MIER1: variants seen among roughly 807,000 people sequenced by gnomAD.
MIER1 encodes MIER1 transcriptional regulator, also known as mesoderm induction early response protein 1.
Under a neutral mutation model 75.7 loss-of-function variants are expected in MIER1, and 40 were observed. That is an observed-to-expected ratio of 0.53 (90% CI 0.41 to 0.69). The LOEUF (loss-of-function observed/expected upper bound fraction) is 0.69, where lower values mean the gene tolerates loss of function less well. Ranked by LOEUF, MIER1 falls within the 30% of genes least tolerant of loss-of-function variation. The pLI is 0.00. For synonymous variants in MIER1, 213 were observed against 223.4 expected (o/e 0.95, Z 0.42); for missense variants, 574 against 680.2 (o/e 0.84, Z 1.74).
intron 3 of MIER1, among the ~76,000 whole-genome samples, chr1:66,945,681 GC>G: frequency 6.6e-6 from 1 of 152,244 alleles, no homozygotes; most frequent in Non-Finnish European, 1.5e-5. Flanking sequence ...GGGCAACATA[GC>G]AAGACCCTGC....
At chr1:66,925,721 C>T (rs1651540801) in intron 1 of MIER1, among the ~76,000 whole-genome samples, 1 of 152,204 alleles carries the variant, frequency 6.6e-6, no homozygotes, top group Admixed American at 6.5e-5. Flanking sequence ...TGGCCTGGAG[C>T]CTATCTGTGG....
chr1:66,941,807 C>T (rs1656281488), intron 3 of MIER1, among the ~76,000 whole-genome samples: 1 of 151,988 alleles, frequency 6.6e-6, no homozygotes, highest in Admixed American at 6.6e-5. Context: ...CTCGTCTCTT[C>T]TAAAAATACG....
chr1:66,980,890 GCA>G (rs955233335), intron 12 of MIER1, among the ~76,000 whole-genome samples: 1 of 151,942 alleles, frequency 6.6e-6, no homozygotes, highest in Admixed American at 6.6e-5. Flanking sequence ...ACTCAGTTGT[GCA>G]GTTGTTGCAG....
At chr1:66,972,797 C>T in intron 10 of MIER1, 100 bp from the exon 11 acceptor site, 3 of 628,992 alleles carry the variant, frequency 4.8e-6, no homozygotes, top group South Asian at 4.0e-5. Context: ...TAAAATGCTT[C>T]CCTCATTTTT....
At chr1:66,956,512 T>G (rs1660159434) in intron 4 of MIER1, among the ~76,000 whole-genome samples, 1 of 152,202 alleles carries the variant, frequency 6.6e-6, no homozygotes, top group African/African-American at 2.4e-5. Context: ...CTCTCCAGAT[T>G]CCCAAATACC....
At chr1:66,934,937 G>C (rs1288984225) in intron 2 of MIER1, among the ~76,000 whole-genome samples, 1 of 152,072 alleles carries the variant, frequency 6.6e-6, no homozygotes, top group Admixed American at 6.5e-5. Context: ...ATTGCTGTGA[G>C]AATCTCTGAC....
chr1:66,961,820 C>A (rs957614294), intron 7 of MIER1, among the ~76,000 whole-genome samples: 1 of 152,110 alleles, frequency 6.6e-6, no homozygotes, highest in Admixed American at 6.5e-5. Context: ...AAGAGAATTC[C>A]ATTGTAAGGG....
At chr1:66,971,070 CAG>C in intron 9 of MIER1, 111 bp downstream of exon 9, 1 of 960,546 alleles carries the variant, frequency 1.0e-6, no homozygotes, top group Non-Finnish European at 1.5e-6. Flanking sequence ...ACATTATTGA[CAG>C]GGAATCTGAG....
chr1:66,973,016 G>C (rs1664006526), intron 11 of MIER1, 25 bp downstream of exon 11: 1 of 1,354,322 alleles, frequency 7.4e-7, no homozygotes, highest in African/African-American at 1.4e-5. Flanking sequence ...TCTCTTTTTT[G>C]CAAAAAGAAA....
intron 3 of MIER1, among the ~76,000 whole-genome samples, chr1:66,945,873 C>T (rs969263289): frequency 2.0e-5 from 3 of 152,064 alleles, no homozygotes; most frequent in Non-Finnish European, 4.4e-5. Context: ...AGAATTGAGA[C>T]TTTTTTCCAC....
At chr1:66,948,018 T>TA in intron 4 of MIER1, 1 of 981,612 alleles carries the variant, frequency 1.0e-6, no homozygotes. Flanking sequence ...TATTTTTTTT[T>TA]AACCACTGTC....
rs1481675572 is a variant in MIER1 at position 66,929,191 on chromosome 1, T to C, written c.168+2949T>C. On this transcript the variant is annotated intron_variant, in intron 2 of 13. Transcript: ENST00000401041. ...TAAGAAAAATTGTATATGTACACAT[T>C]TATGCAATGTAGTATTGGTTCACAT... 14 of 570,020 alleles carry C rather than the reference T, an allele frequency of 2.5e-5. No homozygotes were observed. In the East Asian group the frequency reaches 4.5e-4, roughly 18 times the overall value. The allele number at this position is 570,020 out of a possible 1,614,324, so 35.3% of individuals were successfully genotyped here.
intron 2 of MIER1, among the ~76,000 whole-genome samples, chr1:66,931,270 A>G (rs145586054): frequency 6.6e-6 from 1 of 152,210 alleles, no homozygotes; most frequent in Admixed American, 6.5e-5. Context: ...AGTATACGCT[A>G]CTGGAACTTT....
intron 4 of MIER1, among the ~76,000 whole-genome samples, chr1:66,957,010 A>G (rs111470179): frequency 6.6e-5 from 10 of 152,108 alleles, no homozygotes; most frequent in African/African-American, 2.4e-4. Flanking sequence ...ACCATGTCTT[A>G]TTTCATGATT....
At chr1:66,977,644 G>C (rs879522844) in intron 12 of MIER1, among the ~76,000 whole-genome samples, 1 of 151,964 alleles carries the variant, frequency 6.6e-6, no homozygotes, top group Non-Finnish European at 1.5e-5. Context: ...GTCTAGCTTT[G>C]GAGTGAAACA....
Position 66,985,177 on chromosome 1 carries a change from A to G in MIER1, c.*277A>G. On this transcript the variant is annotated 3_prime_UTR_variant, in exon 14 of 14. Coordinates refer to ENST00000401041, the MANE Select transcript of MIER1 (RefSeq NM_001077700.3). Reference sequence around the variant, plus strand: ...ATTTGAATATCTTTAGTTCATTCAGATTTACTAATTTTGGTAAATCTGAAT... The same window carrying G: ...ATTTGAATATCTTTAGTTCATTCAGGTTTACTAATTTTGGTAAATCTGAAT... 1.0e-6 allele frequency: 1 copy of G among 987,708 alleles called. No homozygotes were observed. The highest frequency in any genetic ancestry group is 1.2e-6 in the Non-Finnish European group (1 of 819,260). 61.2% of individuals were successfully genotyped at this position (987,708 alleles called of 1,614,324 possible).
Position 66,936,108 on chromosome 1 carries a change from A to G in MIER1, c.169-3920A>G, listed in dbSNP as rs531924036. Among the ~76,000 whole-genome samples, 9 of 152,340 alleles carry G rather than the reference A, an allele frequency of 5.9e-5. No homozygotes were observed. In the East Asian group the frequency reaches 1.5e-3, roughly 26 times the overall value. ...ACTTTTTTCTACTGATAAGGTTATG[A>G]GTACATGTTAAATATATTTTAATGC... On this transcript the variant is annotated intron_variant, in intron 2 of 13. Coordinates refer to ENST00000401041, the MANE Select transcript of MIER1 (RefSeq NM_001077700.3).
chr1:66,964,301 C>G (rs1362962743), intron 8 of MIER1, among the ~76,000 whole-genome samples: 1 of 151,724 alleles, frequency 6.6e-6, no homozygotes, highest in Non-Finnish European at 1.5e-5. Context: ...TCTTAAACTC[C>G]TCACCTCGTG....
At chr1:66,973,934 C>T (rs1664184500) in intron 11 of MIER1, among the ~76,000 whole-genome samples, 1 of 152,098 alleles carries the variant, frequency 6.6e-6, no homozygotes. Context: ...GAATAGTCTT[C>T]TGCCACAGCT....
Sources: allele counts gnomAD v4.1 joint callset (sites outside exome capture counted in the v4.1 genomes callset), GRCh38; gene constraint gnomAD v4.1.1; transcripts MANE v1.5; gene names NCBI Gene and HGNC (gene_info 2026-07-23, HGNC 2026-07-21).